RGS7: variants seen among roughly 807,000 people sequenced by gnomAD.
RGS7 encodes regulator of G protein signaling 7, also known as regulator of G-protein signaling 7.
In RGS7, 27 loss-of-function variants were observed where a neutral mutation model predicts 81.1. The ratio of observed to expected loss-of-function variants is 0.33; its 90% CI spans 0.25 to 0.46. The LOEUF is 0.46. Ranked by LOEUF, RGS7 falls within the 20% of genes least tolerant of loss-of-function variation. The pLI is 1.00. For missense variants in RGS7, 396 were observed against 607.4 expected (o/e 0.65, Z 3.66); for synonymous variants, 208 against 207.7 (o/e 1.00, Z -0.01).
At chr1:241,341,756 C>T (rs1036158096) in intron 2 of RGS7, among the ~76,000 whole-genome samples, 2 of 151,962 alleles carry the variant, frequency 1.3e-5, no homozygotes, top group South Asian at 2.1e-4. Flanking sequence ...CCCCAGTTTG[C>T]AGACAGGGAA....
At chr1:241,281,067 AAGTT>A (rs1329285388) in intron 2 of RGS7, among the ~76,000 whole-genome samples, 1 of 152,148 alleles carries the variant, frequency 6.6e-6, no homozygotes, top group Non-Finnish European at 1.5e-5. Context: ...AAATAAGAAA[AAGTT>A]AGGTATGCCA....
intron 2 of RGS7, among the ~76,000 whole-genome samples, chr1:241,288,334 C>T (rs1410308743): frequency 3.3e-5 from 5 of 152,178 alleles, no homozygotes; most frequent in Non-Finnish European, 7.4e-5. Flanking sequence ...GGATTCGACT[C>T]CAGCTCTGTG....
intron 2 of RGS7, among the ~76,000 whole-genome samples, chr1:241,316,851 T>C (rs933554620): frequency 6.6e-6 from 1 of 152,252 alleles, no homozygotes; most frequent in Non-Finnish European, 1.5e-5. Context: ...TTATCAATGA[T>C]GTGAGCCACT....
chr1:241,141,244 A>T (rs773617028), intron 2 of RGS7, among the ~76,000 whole-genome samples: 56 of 152,098 alleles, frequency 3.7e-4, no homozygotes, highest in Admixed American at 6.6e-4. Flanking sequence ...GACTCATCTG[A>T]AGCTTCCTAA....
chr1:241,126,528 C>A (rs764738718), intron 2 of RGS7, among the ~76,000 whole-genome samples: 1 of 152,154 alleles, frequency 6.6e-6, no homozygotes, highest in South Asian at 2.1e-4. Context: ...GGGTCAAATG[C>A]GCAGCTCTGC....
chr1:241,328,730 C>T (rs2081769980), intron 2 of RGS7, among the ~76,000 whole-genome samples: 4 of 152,190 alleles, frequency 2.6e-5, no homozygotes, highest in Admixed American at 2.0e-4. Context: ...TAATACCTTA[C>T]ACTGTCTTCT....
At chr1:241,306,788 C>T (rs1573601341) in intron 2 of RGS7, among the ~76,000 whole-genome samples, 1 of 152,094 alleles carries the variant, frequency 6.6e-6, no homozygotes. Flanking sequence ...CACATCCTCA[C>T]ACATGAACAC....
chr1:241,246,292 C>T (rs1174105570), intron 2 of RGS7, among the ~76,000 whole-genome samples: 1 of 151,944 alleles, frequency 6.6e-6, no homozygotes, highest in East Asian at 1.9e-4. Flanking sequence ...GGGAAGGAAA[C>T]CTGGACTGAT....
At position 240,840,251 on chromosome 1, in the gene RGS7, G is replaced by A. The variant is rs546915830; in HGVS notation, c.610-13079C>T. On this transcript the variant is annotated intron_variant, in intron 9 of 18. Transcript: ENST00000440928. Reference sequence around the variant, plus strand: ...GGATAAAAGGCAAACACCTTGCCATGCTCTACGAGGTGTTACACTTTTCTT... The same window carrying A: ...GGATAAAAGGCAAACACCTTGCCATACTCTACGAGGTGTTACACTTTTCTT... 3.9e-5 allele frequency among the ~76,000 whole-genome samples: 6 copies of A among 151,988 alleles called. No homozygotes were observed. The South Asian group carries it at 1.3e-3, about 32-fold the overall frequency.
At chr1:240,989,385 G>T (rs1686130657) in intron 3 of RGS7, among the ~76,000 whole-genome samples, 1 of 151,746 alleles carries the variant, frequency 6.6e-6, no homozygotes, top group African/African-American at 2.4e-5. Flanking sequence ...GCAGTAAACT[G>T]AGATGGCGCC....
intron 6 of RGS7, among the ~76,000 whole-genome samples, chr1:240,872,582 G>C (rs1664682966): frequency 6.6e-6 from 1 of 152,228 alleles, no homozygotes; most frequent in Non-Finnish European, 1.5e-5. Context: ...GATAGGCCCA[G>C]ACCTCATCAG....
intron 3 of RGS7, among the ~76,000 whole-genome samples, chr1:241,069,144 C>T (rs2062275385): frequency 2.0e-5 from 3 of 152,210 alleles, no homozygotes; most frequent in Admixed American, 2.0e-4. Flanking sequence ...TCAGGTATTT[C>T]TTTACAGCAA....
intron 2 of RGS7, among the ~76,000 whole-genome samples, chr1:241,145,993 CAA>C (rs2068283879): frequency 6.6e-6 from 1 of 152,030 alleles, no homozygotes; most frequent in African/African-American, 2.4e-5. Context: ...ATCTGAATCT[CAA>C]AGTTTGGAAA....
chr1:241,064,423 C>CAA (rs557864611), intron 3 of RGS7, among the ~76,000 whole-genome samples: 6,009 of 95,078 alleles, frequency 0.063, 209 homozygotes, highest in African/African-American at 0.082. Context: ...CAGTCTCTAC[C>CAA]AAAAAAAAAA....
At chr1:241,345,897 C>G (rs2082866415) in intron 2 of RGS7, among the ~76,000 whole-genome samples, 1 of 134,410 alleles carries the variant, frequency 7.4e-6, no homozygotes, top group Non-Finnish European at 1.6e-5. Flanking sequence ...GCGCCTGTAA[C>G]CCCAGCTACT....
chr1:240,960,792 G>C (rs16841158), intron 4 of RGS7, among the ~76,000 whole-genome samples: 16,642 of 152,070 alleles, frequency 0.11, 1,621 homozygotes, highest in African/African-American at 0.26. Context: ...TCTGAAAGTG[G>C]AAACTTAATT....
intron 2 of RGS7, among the ~76,000 whole-genome samples, chr1:241,256,585 T>C (rs1031178493): frequency 6.6e-6 from 1 of 152,142 alleles, no homozygotes; most frequent in Non-Finnish European, 1.5e-5. Context: ...CTCACAGTTT[T>C]GAAGGCTGGA....
intron 10 of RGS7, among the ~76,000 whole-genome samples, chr1:240,826,391 C>G (rs957058758): frequency 6.6e-6 from 1 of 152,100 alleles, no homozygotes; most frequent in Non-Finnish European, 1.5e-5. Flanking sequence ...GACACAGACT[C>G]TGGAAAACAC....
At chr1:240,895,223 C>G (rs960650426) in intron 6 of RGS7, among the ~76,000 whole-genome samples, 1 of 152,160 alleles carries the variant, frequency 6.6e-6, no homozygotes, top group African/African-American at 2.4e-5. Context: ...TCCTGAACAG[C>G]CTGCAGAACC....
Sources: allele counts gnomAD v4.1 joint callset (sites outside exome capture counted in the v4.1 genomes callset), GRCh38; gene constraint gnomAD v4.1.1; transcripts MANE v1.5; gene names NCBI Gene and HGNC (gene_info 2026-07-23, HGNC 2026-07-21).